The following EYS variants were observed in gnomAD, a reference collection of about 807,000 sequenced individuals.
EYS encodes the protein EGF-like photoreceptor maintenance factor, also known as protein eyes shut homolog.
Under a neutral mutation model 282.1 loss-of-function variants are expected in EYS, and 250 were observed. That is an observed-to-expected ratio of 0.89 (90% CI 0.80 to 0.98). EYS has a LOEUF of 0.98. Ranked by LOEUF, EYS falls within the 50% of genes least tolerant of loss-of-function variation. The pLI, the probability that EYS is intolerant of heterozygous loss-of-function variation, is 0.00. For missense variants in EYS, 4,016 were observed against 3,709.0 expected (o/e 1.08, Z -2.15); for synonymous variants, 1,355 against 1,282.9 (o/e 1.06, Z -1.20).
At chr6:64,031,254 G>A (rs1043709416) in intron 33 of EYS, among the ~76,000 whole-genome samples, 1 of 152,190 alleles carries the variant, frequency 6.6e-6, no homozygotes, top group South Asian at 2.1e-4. Flanking sequence ...CACTCAGAGG[G>A]GCTGGCCGGC....
At chr6:64,290,432 C>T (rs1768661428) in intron 30 of EYS, among the ~76,000 whole-genome samples, 1 of 152,120 alleles carries the variant, frequency 6.6e-6, no homozygotes. Flanking sequence ...CAAGGCTAAA[C>T]AGAAATATCC....
chr6:64,510,346 T>G (rs1777345567), intron 26 of EYS, among the ~76,000 whole-genome samples: 1 of 152,130 alleles, frequency 6.6e-6, no homozygotes, highest in Non-Finnish European at 1.5e-5. Context: ...TTTAATTCCT[T>G]TTTTCTAAAA....
intron 24 of EYS, among the ~76,000 whole-genome samples, chr6:64,606,353 T>C (rs1050745154): frequency 6.6e-6 from 1 of 151,992 alleles, no homozygotes; most frequent in African/African-American, 2.4e-5. Context: ...AGACTATTAC[T>C]TGAGCCAATC....
intron 12 of EYS, among the ~76,000 whole-genome samples, chr6:65,141,954 G>T (rs1345852220): frequency 7.2e-5 from 11 of 152,046 alleles, no homozygotes; most frequent in Non-Finnish European, 1.6e-4. Context: ...AGAAAGAAAT[G>T]ATAAAAGAAT....
At chr6:65,249,855 C>G (rs1032378576) in intron 12 of EYS, among the ~76,000 whole-genome samples, 1 of 151,892 alleles carries the variant, frequency 6.6e-6, no homozygotes, top group African/African-American at 2.4e-5. Context: ...TAATGATAAG[C>G]AAGGTAAACA....
At chr6:63,866,447 A>C (rs1772672988) in intron 35 of EYS, among the ~76,000 whole-genome samples, 1 of 152,226 alleles carries the variant, frequency 6.6e-6, no homozygotes, top group African/African-American at 2.4e-5. Context: ...CTCATATGTG[A>C]AAGTCAAACT....
At chr6:64,493,147 A>G (rs1053836147) in intron 26 of EYS, among the ~76,000 whole-genome samples, 1 of 151,480 alleles carries the variant, frequency 6.6e-6, no homozygotes, top group African/African-American at 2.4e-5. Flanking sequence ...CTTTTCATTT[A>G]TAATTTTTAT....
chr6:64,813,866 G>GT (rs1397673696), intron 21 of EYS, among the ~76,000 whole-genome samples: 5 of 151,930 alleles, frequency 3.3e-5, no homozygotes, highest in African/African-American at 1.2e-4. Context: ...CCCCAATAAT[G>GT]GTGCTAAAGC....
chr6:64,653,811 C>G (rs7758641), intron 22 of EYS, among the ~76,000 whole-genome samples: 1 of 151,220 alleles, frequency 6.6e-6, no homozygotes, highest in Admixed American at 6.6e-5. Context: ...GTGATCATCC[C>G]GCCTCTGCCT....
chr6:64,097,863 T>A (rs1412551816), intron 31 of EYS, among the ~76,000 whole-genome samples: 3 of 152,000 alleles, frequency 2.0e-5, no homozygotes, highest in Non-Finnish European at 2.9e-5. Context: ...CACAAAAAAA[T>A]TGGACAAATT....
chr6:64,329,840 C>T (rs1037277411), intron 29 of EYS, among the ~76,000 whole-genome samples: 13 of 152,102 alleles, frequency 8.5e-5, no homozygotes, highest in African/African-American at 3.1e-4. Context: ...CCATTGTGTC[C>T]AACCCATATA....
chr6:63,867,336 A>C (rs1772693550), intron 35 of EYS, among the ~76,000 whole-genome samples: 1 of 152,156 alleles, frequency 6.6e-6, no homozygotes. Flanking sequence ...AATTTTTAAA[A>C]ATTTTATCCT....
At chr6:64,361,486 T>A (rs939641136) in intron 29 of EYS, among the ~76,000 whole-genome samples, 26 of 151,822 alleles carry the variant, frequency 1.7e-4, no homozygotes, top group Non-Finnish European at 2.8e-4. Context: ...TGATACAAAA[T>A]ATCACTTTAA....
At chr6:64,537,221 T>C (rs1764545335) in intron 26 of EYS, among the ~76,000 whole-genome samples, 2 of 137,238 alleles carry the variant, frequency 1.5e-5, no homozygotes, top group Non-Finnish European at 3.1e-5. Flanking sequence ...TGTGATCTCA[T>C]TGTTCAATTC....
At position 65,494,912 on chromosome 6, in the gene EYS, C is replaced by G; in HGVS notation, c.499G>C (p.Val167Leu). Residue 167 changes from valine to leucine, a missense_variant, in exon 4 of 43, where the codon GTG (valine) becomes CTG (leucine). Physicochemically the swap from Val to Leu is conservative, Grantham distance 32. Coordinates refer to ENST00000503581, the MANE Select transcript of EYS (RefSeq NM_001142800.2). Reference protein sequence around the residue: ...SPCPLGLRLNVTVKQQFCQES... With the variant: ...SPCPLGLRLNLTVKQQFCQES... ...TGGCAGAACTGCTGTTTCACTGTCA[C>G]ATTTAGTCGAAGTCCCAGTGGACAA... 1 of 1,614,144 alleles carries G rather than the reference C, an allele frequency of 6.2e-7. No homozygotes were observed. The highest frequency in any genetic ancestry group is 8.5e-7 in the Non-Finnish European group (1 of 1,180,016).
At chr6:65,221,377 T>C (rs997879452) in intron 12 of EYS, among the ~76,000 whole-genome samples, 2 of 152,146 alleles carry the variant, frequency 1.3e-5, no homozygotes, top group African/African-American at 4.8e-5. Context: ...CTTTGCGCAG[T>C]CTTGGGACTT....
chr6:64,817,108 C>A (rs540356354), intron 21 of EYS, among the ~76,000 whole-genome samples: 1 of 151,900 alleles, frequency 6.6e-6, no homozygotes, highest in East Asian at 1.9e-4. Context: ...TAAAGGATAT[C>A]GATATTCTCT....
At chr6:64,926,583 A>T (rs1417040681) in intron 15 of EYS, among the ~76,000 whole-genome samples, 10 of 152,078 alleles carry the variant, frequency 6.6e-5, no homozygotes, top group Admixed American at 6.5e-4. Context: ...TGCACTGGGG[A>T]TTCACTCACA....
intron 39 of EYS, 80 bp downstream of exon 39, chr6:63,788,025 A>T (rs1770409983): frequency 9.2e-7 from 1 of 1,088,608 alleles, no homozygotes; most frequent in African/African-American, 1.7e-5. Flanking sequence ...TTTGGGAAAT[A>T]GAAGTATACT....
Sources: gnomAD v4.1 joint callset for allele counts (sites outside exome capture counted in the v4.1 genomes callset) on GRCh38, gnomAD v4.1.1 for gene constraint, MANE v1.5 for transcripts, NCBI Gene and HGNC (gene_info 2026-07-23, HGNC 2026-07-21) for gene names.